Variants in SOX5 observed in about 807,000 individuals in gnomAD.
SOX5 encodes SRY-box transcription factor 5.
In SOX5, 9 loss-of-function variants were observed where a neutral mutation model predicts 92.0. The observed-to-expected ratio is 0.10, with a 90% CI of 0.06 to 0.17. The LOEUF is 0.17. Ranked by LOEUF, SOX5 falls within the 10% of genes least tolerant of loss-of-function variation. SOX5 has a pLI of 1.00. For missense variants in SOX5, 642 were observed against 944.5 expected (o/e 0.68, Z 4.20); for synonymous variants, 344 against 336.3 (o/e 1.02, Z -0.25).
intron 6 of SOX5, among the ~76,000 whole-genome samples, chr12:23,718,605 C>T (rs1031993709): frequency 6.6e-6 from 1 of 152,136 alleles, no homozygotes; most frequent in South Asian, 2.1e-4. Flanking sequence ...TTTTCTAAAG[C>T]CCCTTTGTGT....
At chr12:24,085,806 A>G (rs185977821) in intron 4 of SOX5, among the ~76,000 whole-genome samples, 1 of 152,120 alleles carries the variant, frequency 6.6e-6, no homozygotes, top group African/African-American at 2.4e-5. Context: ...ACTAATATTA[A>G]GTTTGGGTAA....
chr12:24,182,358 A>T (rs1955585024), intron 4 of SOX5, among the ~76,000 whole-genome samples: 1 of 152,182 alleles, frequency 6.6e-6, no homozygotes, highest in Admixed American at 6.5e-5. Context: ...AGAACACTTA[A>T]CTACCTACAC....
At chr12:23,849,257 C>T (rs983057180) in intron 2 of SOX5, among the ~76,000 whole-genome samples, 1 of 152,154 alleles carries the variant, frequency 6.6e-6, no homozygotes, top group African/African-American at 2.4e-5. Context: ...GCCTTATAAA[C>T]TGAAATTAAG....
At chr12:24,463,363 C>T (rs550235975) in intron 1 of SOX5, among the ~76,000 whole-genome samples, 1 of 152,092 alleles carries the variant, frequency 6.6e-6, no homozygotes, top group Non-Finnish European at 1.5e-5. Flanking sequence ...CAGCTAAGTT[C>T]GAAAGCAAAG....
intron 4 of SOX5, among the ~76,000 whole-genome samples, chr12:24,188,073 G>A (rs1432656957): frequency 6.6e-6 from 1 of 152,170 alleles, no homozygotes; most frequent in African/African-American, 2.4e-5. Flanking sequence ...TCAATGGGAA[G>A]TTTTATTGGA....
intron 2 of SOX5, among the ~76,000 whole-genome samples, chr12:24,351,065 AAAAAG>A (rs905117150): frequency 1.6e-4 from 25 of 152,262 alleles, no homozygotes; most frequent in African/African-American, 4.3e-4. Flanking sequence ...CTCTATCTCA[AAAAAG>A]AAAAGAAAAG....
intron 1 of SOX5, among the ~76,000 whole-genome samples, chr12:24,527,312 C>G (rs1490187316): frequency 6.6e-6 from 1 of 152,164 alleles, no homozygotes; most frequent in Non-Finnish European, 1.5e-5. Context: ...CAGTGTCTCT[C>G]TGTACTGTGA....
In SOX5 at chr12:24,339,301, G is replaced by A. The variant is rs148201265; in HGVS notation, c.-174+29262C>T. ...TCTGGAGAATCAAGAAAAGATTCATGGCAGGGCCCTTCATCACAGCTGATG... is the reference window on the plus strand; with the variant it reads ...TCTGGAGAATCAAGAAAAGATTCATAGCAGGGCCCTTCATCACAGCTGATG... On this transcript the variant is annotated intron_variant, in intron 2 of 4. Coordinates refer to the SOX5 transcript ENST00000446891. 1.6e-3 allele frequency among the ~76,000 whole-genome samples: 248 copies of A among 152,174 alleles called. 2 individuals carry two copies. The highest frequency in any genetic ancestry group is 5.9e-3 in the African/African-American group (244 of 41,524).
chr12:23,709,030 C>T (rs1346468045), intron 6 of SOX5, among the ~76,000 whole-genome samples: 1 of 152,122 alleles, frequency 6.6e-6, no homozygotes, highest in Admixed American at 6.6e-5. Flanking sequence ...TTCCTCACTG[C>T]TCAGAACTAT....
At chr12:23,624,707 G>A (rs2077561285) in intron 8 of SOX5, among the ~76,000 whole-genome samples, 1 of 152,228 alleles carries the variant, frequency 6.6e-6, no homozygotes, top group Admixed American at 6.5e-5. Flanking sequence ...AGGAGATCAA[G>A]AGAATTTTGG....
chr12:24,007,139 AAAT>A lies in SOX5; in HGVS notation c.-1-111118_-1-111116del, dbSNP rs1375368178. On this transcript the variant is annotated intron_variant, in intron 4 of 4. Coordinates refer to the SOX5 transcript ENST00000446891. The stretch of plus-strand genomic sequence containing the variant: ...CAGAGCGAGACTCCATCTCAAAAAA[AAAT>A]ATATATATATATATATATACATTTA... Among the ~76,000 whole-genome samples, 131 of 51,464 alleles carry A rather than the reference AAAT, an allele frequency of 2.5e-3. 15 individuals carry two copies. The South Asian group carries it at 0.083, about 33-fold the overall frequency. The allele number at this position is 51,464 out of a possible 152,430, so 33.8% of individuals were successfully genotyped here.
intron 4 of SOX5, among the ~76,000 whole-genome samples, chr12:24,056,932 G>A (rs1448085397): frequency 1.6e-5 from 2 of 125,258 alleles, no homozygotes; most frequent in East Asian, 4.4e-4. Flanking sequence ...CCGAGATCCC[G>A]CCACTGCACT....
At chr12:24,193,936 T>C (rs761942373) in intron 4 of SOX5, among the ~76,000 whole-genome samples, 2 of 152,136 alleles carry the variant, frequency 1.3e-5, no homozygotes, top group Non-Finnish European at 2.9e-5. Context: ...TCAGCTGTCC[T>C]TGATTGAAAA....
chr12:24,209,073 T>A (rs1490045585), intron 4 of SOX5, among the ~76,000 whole-genome samples: 1 of 152,152 alleles, frequency 6.6e-6, no homozygotes, highest in African/African-American at 2.4e-5. Flanking sequence ...AAGTAAAATT[T>A]AAAAAAAGTT....
intron 1 of SOX5, among the ~76,000 whole-genome samples, chr12:23,915,096 C>T (rs2097398874): frequency 6.6e-6 from 1 of 152,106 alleles, no homozygotes; most frequent in Admixed American, 6.6e-5. Context: ...GATCATGTTA[C>T]TTAACCTCTC....
chr12:24,121,815 G>A (rs1948650000), intron 4 of SOX5, among the ~76,000 whole-genome samples: 1 of 147,874 alleles, frequency 6.8e-6, no homozygotes, highest in African/African-American at 2.5e-5. Context: ...GAACCTGGGA[G>A]GCAGAGGTTG....
At chr12:24,067,093 CTGAT>C (rs1303878224) in intron 4 of SOX5, among the ~76,000 whole-genome samples, 11 of 152,198 alleles carry the variant, frequency 7.2e-5, no homozygotes, top group Non-Finnish European at 1.3e-4. Flanking sequence ...TAAATGAACT[CTGAT>C]TGACATGAAA....
At chr12:23,743,636 C>T (rs1593934232) in intron 4 of SOX5, among the ~76,000 whole-genome samples, 1 of 152,210 alleles carries the variant, frequency 6.6e-6, no homozygotes, top group Non-Finnish European at 1.5e-5. Context: ...TACATTACTT[C>T]CACACTCAGA....
At chr12:23,773,516 C>T (rs1246152807) in intron 3 of SOX5, among the ~76,000 whole-genome samples, 1 of 152,062 alleles carries the variant, frequency 6.6e-6, no homozygotes, top group African/African-American at 2.4e-5. Flanking sequence ...GGACTACAGG[C>T]ACGTGCCACC....
Sources: gnomAD v4.1 joint callset for allele counts (sites outside exome capture counted in the v4.1 genomes callset) on GRCh38, gnomAD v4.1.1 for gene constraint, MANE v1.5 for transcripts, NCBI Gene and HGNC (gene_info 2026-07-23, HGNC 2026-07-21) for gene names.